Variants in SDK1 observed in about 807,000 individuals in gnomAD.
SDK1 encodes protein sidekick-1.
SDK1 carries 157 observed loss-of-function variants against 245.5 expected under a neutral mutation model. That is an observed-to-expected ratio of 0.64 (90% CI 0.56 to 0.73). The LOEUF (loss-of-function observed/expected upper bound fraction) is 0.73. Among genes scored for constraint, SDK1 ranks in the 30% least tolerant of loss-of-function variants. SDK1 has a pLI of 0.00. For synonymous variants in SDK1, 1,647 were observed against 1,278.5 expected (o/e 1.29, Z -6.15); for missense variants, 3,583 against 3,002.3 (o/e 1.19, Z -4.52).
chr7:3,356,797 C>T (rs1426230669), intron 1 of SDK1, among the ~76,000 whole-genome samples: 2 of 152,100 alleles, frequency 1.3e-5, no homozygotes, highest in African/African-American at 2.4e-5. Flanking sequence ...GTGGCTCATG[C>T]CTGTAATCCC....
intron 4 of SDK1, among the ~76,000 whole-genome samples, chr7:3,696,043 C>T (rs1423393312): frequency 6.6e-5 from 10 of 152,164 alleles, no homozygotes; most frequent in Admixed American, 2.0e-4. Context: ...GCCTCTTCTC[C>T]GCGTTCCGGT....
chr7:3,725,116 A>T (rs2115034401), intron 4 of SDK1, among the ~76,000 whole-genome samples: 1 of 152,314 alleles, frequency 6.6e-6, no homozygotes, highest in East Asian at 1.9e-4. Flanking sequence ...ATCCTTTTTC[A>T]GTAGATAGAG....
intron 35 of SDK1, among the ~76,000 whole-genome samples, chr7:4,196,761 G>A (rs1783602506): frequency 6.6e-6 from 1 of 152,220 alleles, no homozygotes; most frequent in East Asian, 1.9e-4. Flanking sequence ...ACAAGTGGCT[G>A]ATGCCATCCC....
intron 4 of SDK1, among the ~76,000 whole-genome samples, chr7:3,703,484 A>G (rs1784799417): frequency 6.6e-6 from 1 of 152,206 alleles, no homozygotes; most frequent in Non-Finnish European, 1.5e-5. Context: ...TGTCTATTAG[A>G]GTAGCAAGAG....
chr7:3,840,673 C>T (rs899446825), intron 5 of SDK1, among the ~76,000 whole-genome samples: 6 of 152,344 alleles, frequency 3.9e-5, no homozygotes, highest in Middle Eastern at 3.4e-3. Context: ...TACTGCGGTT[C>T]ACGGACAACT....
intron 5 of SDK1, among the ~76,000 whole-genome samples, chr7:3,875,610 A>T (rs939459133): frequency 2.0e-5 from 3 of 152,146 alleles, no homozygotes; most frequent in African/African-American, 7.2e-5. Flanking sequence ...TCTCAGCTCT[A>T]TGGGTTCCAC....
chr7:4,251,615 C>G (rs560824091), intron 44 of SDK1, among the ~76,000 whole-genome samples: 2 of 152,352 alleles, frequency 1.3e-5, no homozygotes, highest in African/African-American at 4.8e-5. Context: ...AAACTCCAGA[C>G]TCCAGAAAGA....
At chr7:3,330,360 C>T (rs1780037590) in intron 1 of SDK1, among the ~76,000 whole-genome samples, 1 of 152,124 alleles carries the variant, frequency 6.6e-6, no homozygotes, top group South Asian at 2.1e-4. Flanking sequence ...TAATCATCTC[C>T]TGTGGTTTAA....
intron 35 of SDK1, among the ~76,000 whole-genome samples, chr7:4,201,752 C>T (rs1263721722): frequency 6.6e-6 from 1 of 152,174 alleles, no homozygotes; most frequent in Non-Finnish European, 1.5e-5. Flanking sequence ...AGATGACTGG[C>T]ATGGCACAGG....
intron 25 of SDK1, among the ~76,000 whole-genome samples, chr7:4,116,815 A>G (rs1228979142): frequency 2.0e-5 from 3 of 152,208 alleles, no homozygotes; most frequent in Non-Finnish European, 4.4e-5. Context: ...AGAGCCCCGG[A>G]AGAGCAGCCG....
At chr7:3,854,200 A>G (rs2115106759) in intron 5 of SDK1, among the ~76,000 whole-genome samples, 1 of 152,094 alleles carries the variant, frequency 6.6e-6, no homozygotes, top group East Asian at 1.9e-4. Context: ...ACGGTGTGGT[A>G]GAGGAACCAT....
chr7:4,051,690 C>T lies in SDK1; in HGVS notation c.2771C>T (p.Ala924Val), dbSNP rs145040773. The T allele has an allele frequency of 9.9e-6, 16 of 1,613,390 alleles. No homozygotes were observed. Among genetic ancestry groups the T allele is most frequent in the African/African-American group, 1.3e-5 (1 of 74,896 alleles). ...GAGGCTGTCACTGTGGTCACTATTG[C>T]CCCAGATTTCCACGGAGTCCACCAT... ...APEAVTVVTI[A>V]PDFHGVHHGH... Residue 924 changes from alanine (A) to valine (V), a missense_variant, in exon 19 of 45, where the codon GCC becomes GTC. Physicochemically the swap from Ala to Val is moderately conservative, Grantham distance 64 (BLOSUM62 0). Coordinates refer to ENST00000404826, the MANE Select transcript of SDK1 (RefSeq NM_152744.4).
chr7:3,847,224 C>G (rs1037733811), intron 5 of SDK1, among the ~76,000 whole-genome samples: 12 of 152,008 alleles, frequency 7.9e-5, no homozygotes, highest in Admixed American at 7.2e-4. Context: ...GTCTAGATGC[C>G]CCATGGACTC....
At chr7:4,142,709 C>G (rs934204961) in intron 28 of SDK1, among the ~76,000 whole-genome samples, 2 of 152,184 alleles carry the variant, frequency 1.3e-5, no homozygotes, top group African/African-American at 4.8e-5. Flanking sequence ...GTGATCCACC[C>G]TCCTTGGCCT....
chr7:3,933,778 T>C (rs551696554), intron 5 of SDK1, among the ~76,000 whole-genome samples: 56 of 152,366 alleles, frequency 3.7e-4, no homozygotes, highest in Non-Finnish European at 6.0e-4. Flanking sequence ...CATTTGGTTG[T>C]GAATTTCTAA....
chr7:3,926,856 C>T, intron 5 of SDK1, among the ~76,000 whole-genome samples: 1 of 152,220 alleles, frequency 6.6e-6, no homozygotes, highest in Non-Finnish European at 1.5e-5. Context: ...GGCTTCTTAC[C>T]TGTAAAACAG....
At chr7:4,044,124 C>G (rs1788842176) in intron 17 of SDK1, among the ~76,000 whole-genome samples, 1 of 152,194 alleles carries the variant, frequency 6.6e-6, no homozygotes, top group African/African-American at 2.4e-5. Context: ...TGGAGCAGGG[C>G]TTGGATATGT....
At chr7:3,604,602 C>CT (rs201453008) in intron 1 of SDK1, among the ~76,000 whole-genome samples, 1,139 of 110,482 alleles carry the variant, frequency 0.01, 19 homozygotes, top group African/African-American at 0.029. Context: ...CTTTTCTTTT[C>CT]TTTTTTTTTT....
At chr7:3,687,895 T>G (rs6462233) in intron 4 of SDK1, among the ~76,000 whole-genome samples, 2 of 152,060 alleles carry the variant, frequency 1.3e-5, no homozygotes, top group Non-Finnish European at 2.9e-5. Context: ...TACCCAGGAT[T>G]GCTGTATTTT....
Sources: allele counts gnomAD v4.1 joint callset (sites outside exome capture counted in the v4.1 genomes callset), GRCh38; gene constraint gnomAD v4.1.1; transcripts MANE v1.5; gene names NCBI Gene and HGNC (gene_info 2026-07-23, HGNC 2026-07-21).